SPG11: variants seen among roughly 807,000 people sequenced by gnomAD.
SPG11 encodes the protein SPG11 vesicle trafficking associated, spatacsin, also known as spatacsin.
SPG11 carries 222 observed loss-of-function variants against 274.0 expected under a neutral mutation model. The ratio of observed to expected loss-of-function variants is 0.81; its 90% CI spans 0.73 to 0.91. The LOEUF (loss-of-function observed/expected upper bound fraction) is 0.91. Among genes scored for constraint, SPG11 ranks in the 40% least tolerant of loss-of-function variants. The probability of loss-of-function intolerance (pLI) is 0.00; values close to 1 mark genes in which losing one functional copy is unlikely to be tolerated. For synonymous variants in SPG11, 1,144 were observed against 1,039.7 expected, an observed-to-expected ratio of 1.10 and a Z score of -1.93; for missense variants, 3,114 against 2,872.7, an observed-to-expected ratio of 1.08 and a Z score of -1.92.
intron 3 of SPG11, among the ~76,000 whole-genome samples, chr15:44,657,937 G>C (rs1283183823): frequency 6.6e-6 from 1 of 152,208 alleles, no homozygotes; most frequent in Non-Finnish European, 1.5e-5. Context: ...TAAGGCACGA[G>C]AATCGCTTGA....
chr15:44,626,437 T>C lies in SPG11; in HGVS notation c.2138A>G (p.His713Arg). 6.2e-7 allele frequency: 1 copy of C among 1,614,072 alleles called. No individual in the cohort carries two copies. The highest frequency in any genetic ancestry group is 8.5e-7 in the Non-Finnish European group (1 of 1,179,968). ...AAGCTCCTCAAGTTTTTGAGCAGAA[T>C]GACTATCAATCCTGAAGAAAGTCTG... Reference protein sequence around the residue: ...EAQTFFRIDSHSAQKLEELIG... With the variant: ...EAQTFFRIDSRSAQKLEELIG... Residue 713 changes from histidine to arginine, a missense_variant, in exon 11 of 40, where the codon CAT becomes CGT. Transcript: ENST00000261866.
chr15:44,615,651 T>A, intron 15 of SPG11, 85 bp from the exon 16 acceptor site: 2 of 1,156,756 alleles, frequency 1.7e-6, no homozygotes, highest in Non-Finnish European at 2.6e-6. Flanking sequence ...AGGTCTCAAT[T>A]ACTTAAAAAT....
At chr15:44,567,073 C>T (rs1296364266) in intron 36 of SPG11, among the ~76,000 whole-genome samples, 6 of 150,418 alleles carry the variant, frequency 4.0e-5, no homozygotes, top group South Asian at 2.2e-4. Context: ...TATCGAGGGC[C>T]GGGCATGGTG....
intron 11 of SPG11, 63 bp downstream of exon 11, chr15:44,626,268 A>G: frequency 2.1e-6 from 3 of 1,414,140 alleles, no homozygotes; most frequent in Non-Finnish European, 2.9e-6. Context: ...ATACAAACCA[A>G]TTTTATAATA....
chr15:44,590,349 G>C (rs551106434), intron 27 of SPG11: 1 of 152,284 alleles, frequency 6.6e-6, no homozygotes, highest in Non-Finnish European at 1.5e-5. Flanking sequence ...ATTTCTACAA[G>C]TAGGTGTGGC....
chr15:44,618,841 C>T lies in SPG11; in HGVS notation c.2834+1349G>A, dbSNP rs116599136. On this transcript the variant is annotated intron_variant, in intron 15 of 39. Coordinates refer to ENST00000261866, the MANE Select transcript of SPG11 (RefSeq NM_025137.4). ...TCAAAAAAAAAAAAAATTAAGTTAA[C>T]GGAGTTTGCATCTATGCTTAGTTTG... is the stretch of plus-strand genomic sequence containing the variant. Among the ~76,000 whole-genome samples the T allele has an allele frequency of 5.0e-3, 758 of 151,744 alleles. 10 individuals are homozygous for T. The highest frequency in any genetic ancestry group is 0.017 in the African/African-American group (723 of 41,382).
intron 4 of SPG11, among the ~76,000 whole-genome samples, chr15:44,653,202 A>G (rs1427258090): frequency 6.6e-6 from 1 of 152,196 alleles, no homozygotes; most frequent in Non-Finnish European, 1.5e-5. Flanking sequence ...AGGAACCTGA[A>G]GAAGGCTTTT....
chr15:44,650,233 C>T (rs879768077), intron 6 of SPG11, among the ~76,000 whole-genome samples: 1 of 152,074 alleles, frequency 6.6e-6, no homozygotes, highest in Non-Finnish European at 1.5e-5. Flanking sequence ...AATAAAATGG[C>T]TCAGGCTAAG....
In SPG11 at chr15:44,598,288, G is replaced by C; in HGVS notation, c.3978C>G (p.Ser1326Arg). The change falls in exon 23 of 40, where the codon AGC becomes AGG. Residue 1326 changes from serine (S) to arginine (R), a missense_variant. By Grantham distance (110) the Ser-to-Arg change is moderately radical. Coordinates refer to ENST00000261866, the MANE Select transcript of SPG11 (RefSeq NM_025137.4). ...ACCTCTTTATTTCCTGTTGCTGAAT[G>C]CTGTTCCATGTACCTTCTTCTAAGA... is the stretch of plus-strand genomic sequence containing the variant. ...LVLLEEGTWN[S>R]IQQQEIKRLS... 1 of 1,613,654 alleles carries C rather than the reference G, an allele frequency of 6.2e-7. No individual in the cohort carries two copies. Among genetic ancestry groups the C allele is most frequent in the African/African-American group, 1.3e-5 (1 of 75,048 alleles).
chr15:44,618,440 C>G (rs373108068), intron 15 of SPG11, among the ~76,000 whole-genome samples: 1 of 146,960 alleles, frequency 6.8e-6, no homozygotes, highest in Admixed American at 6.9e-5. Context: ...ATGAGGAGAC[C>G]TGGGAGGCGG....
intron 7 of SPG11, among the ~76,000 whole-genome samples, chr15:44,643,869 A>G (rs2084528988): frequency 6.6e-6 from 1 of 152,152 alleles, no homozygotes; most frequent in Admixed American, 6.5e-5. Flanking sequence ...GAATATAGAT[A>G]TAAAAATTCT....
chr15:44,647,759 G>A (rs1201582284), intron 7 of SPG11, among the ~76,000 whole-genome samples: 1 of 152,172 alleles, frequency 6.6e-6, no homozygotes, highest in East Asian at 1.9e-4. Flanking sequence ...GAGACAACAG[G>A]AAATAGGGAG....
intron 33 of SPG11, among the ~76,000 whole-genome samples, chr15:44,570,899 T>C (rs1421699482): frequency 6.6e-6 from 1 of 152,130 alleles, no homozygotes; most frequent in African/African-American, 2.4e-5. Flanking sequence ...AGTGACTGTT[T>C]CCCCAAAAGG....
In SPG11 at chr15:44,596,846, T is replaced by C. The variant is rs1831139328; in HGVS notation, c.4099A>G (p.Lys1367Glu). ...ATGAACTGCAGCCAATCATTTGCTT[T>C]GGCACATTCTCTAAGGTAAGATATG... ...LSISYLRECA[K>E]ANDWLQFIIH... Residue 1367 changes from lysine to glutamate, a missense_variant, in exon 24 of 40, where the codon AAA becomes GAA. Lys to Glu is a moderately conservative substitution (Grantham distance 56). Coordinates refer to ENST00000261866, the MANE Select transcript of SPG11 (RefSeq NM_025137.4). The C allele has an allele frequency of 1.2e-5, 20 of 1,614,044 alleles. No individual in the cohort carries two copies. Among genetic ancestry groups the C allele is most frequent in the Non-Finnish European group, 1.6e-5 (19 of 1,180,010 alleles).
At position 44,602,825 on chromosome 15, in the gene SPG11, A is replaced by G. The variant is rs575072157; in HGVS notation, c.3521-2193T>C. The stretch of plus-strand genomic sequence containing the variant: ...CTGTTAATGTGGTGTATCATTTATT[A>G]ATTTGTGTATGTTGAACCATCCTGG... On this transcript the variant is annotated intron_variant, in intron 20 of 39. Transcript: ENST00000261866. Among the ~76,000 whole-genome samples the G allele has an allele frequency of 6.7e-4, 102 of 151,970 alleles. 1 individual carries two copies. The highest frequency in any genetic ancestry group is 2.5e-3 in the African/African-American group (102 of 41,452).
intron 38 of SPG11, 123 bp from the exon 39 acceptor site, chr15:44,564,821 T>A: frequency 9.1e-7 from 1 of 1,093,922 alleles, no homozygotes; most frequent in East Asian, 2.5e-5. Context: ...TTACCAATTA[T>A]GTTAAAAGGC....
At chr15:44,623,853 C>G (rs182388476) in intron 11 of SPG11, among the ~76,000 whole-genome samples, 2 of 151,904 alleles carry the variant, frequency 1.3e-5, no homozygotes, top group East Asian at 3.9e-4. Flanking sequence ...CTCTGCCTCC[C>G]GGGTTCAAAT....
chr15:44,568,617 G>A (rs530540568), intron 35 of SPG11, among the ~76,000 whole-genome samples: 114 of 152,290 alleles, frequency 7.5e-4, no homozygotes, highest in Non-Finnish European at 1.5e-3. Flanking sequence ...CTTCCAAGCC[G>A]CCTTCCTGTT....
intron 14 of SPG11, chr15:44,621,232 T>C (rs997652556): frequency 1.9e-5 from 3 of 154,812 alleles, no homozygotes; most frequent in Admixed American, 6.5e-5. Flanking sequence ...GTATTAGCTG[T>C]ACATTTCACT....
Sources: allele counts gnomAD v4.1 joint callset (sites outside exome capture counted in the v4.1 genomes callset), GRCh38; gene constraint gnomAD v4.1.1; transcripts MANE v1.5; gene names NCBI Gene and HGNC (gene_info 2026-07-23, HGNC 2026-07-21).